Variants in ZC3H4 observed in about 807,000 individuals in gnomAD.
ZC3H4 encodes zinc finger CCCH-type containing 4.
In ZC3H4, 13 loss-of-function variants were observed where a neutral mutation model predicts 108.3. The observed-to-expected ratio is 0.12, with a 90% CI of 0.08 to 0.19. ZC3H4 has a LOEUF of 0.19. ZC3H4 is among the 10% of genes least tolerant of loss of function. The pLI is 1.00. For synonymous variants in ZC3H4, 917 were observed against 749.6 expected, an observed-to-expected ratio of 1.22 and a Z score of -3.65; for missense variants, 1,734 against 1,838.8, an observed-to-expected ratio of 0.94 and a Z score of 1.04.
Position 47,067,508 on chromosome 19 carries a change from C to A in ZC3H4, c.2760G>T (p.Pro920=). The A allele has an allele frequency of 6.3e-7, 1 of 1,585,512 alleles. No individual in the cohort carries two copies. The highest frequency in any genetic ancestry group is 8.6e-7 in the Non-Finnish European group (1 of 1,165,108). Residue 920 remains proline (P), a synonymous_variant, in exon 15 of 15, where the codon CCG becomes CCT. Transcript: ENST00000253048. This position sits in a 1 kb window ranked among gnomAD's most constrained non-coding sequence, Gnocchi z 6.4. ...CCCCTTCCTCCTCCTCCGTTGGGGG[C>A]GGCCCAGACCCCTTGGAACTGCTGG... ...VGPSSSKGSG[P]PPTEEEEGER... is the part of the protein sequence containing the mutation.
At chr19:47,084,967 G>C in intron 8 of ZC3H4, 89 bp downstream of exon 8, 3 of 1,543,802 alleles carry the variant, frequency 1.9e-6, no homozygotes, top group Non-Finnish European at 2.7e-6. Context: ...TGGCAGCAAG[G>C]ATCAGCTTCA....
chr19:47,078,281 C>T (rs1457801649), intron 11 of ZC3H4, among the ~76,000 whole-genome samples: 3 of 152,106 alleles, frequency 2.0e-5, no homozygotes, highest in Admixed American at 6.6e-5. Context: ...TGAAACCAGC[C>T]TGGCCAACAT....
intron 5 of ZC3H4, among the ~76,000 whole-genome samples, chr19:47,088,201 TGTGGTGGCACATGCCTGTAATCCCA>T (rs1396234720): frequency 6.6e-6 from 1 of 151,542 alleles, no homozygotes; most frequent in Non-Finnish European, 1.5e-5. Flanking sequence ...ATAAGCTGGG[TGTGGTGGCACATGCCTGTAATCCCA>T]GTTACTTGCG....
intron 4 of ZC3H4, among the ~76,000 whole-genome samples, chr19:47,090,525 CGGGGG>C (rs2057713538): frequency 6.6e-6 from 1 of 152,126 alleles, no homozygotes; most frequent in South Asian, 2.1e-4. Context: ...GGGAAGCAGG[CGGGGG>C]CTGCTTGGTC....
intron 2 of ZC3H4, among the ~76,000 whole-genome samples, chr19:47,098,862 T>C (rs1245133980): frequency 6.6e-6 from 1 of 152,194 alleles, no homozygotes; most frequent in Non-Finnish European, 1.5e-5. Context: ...GCCTACAGAT[T>C]CGGGCCTCAT....
At chr19:47,076,736 T>C (rs1287488917) in intron 11 of ZC3H4, among the ~76,000 whole-genome samples, 2 of 152,178 alleles carry the variant, frequency 1.3e-5, no homozygotes, top group African/African-American at 2.4e-5. Context: ...GGCTCACACC[T>C]GTAATCCCAG....
At chr19:47,101,988 C>A (rs1335799777) in intron 2 of ZC3H4, among the ~76,000 whole-genome samples, 1 of 152,074 alleles carries the variant, frequency 6.6e-6, no homozygotes, top group African/African-American at 2.4e-5. Flanking sequence ...AAGCTGAGAC[C>A]ATGCCATTGC....
chr19:47,080,117 C>CA lies in ZC3H4; in HGVS notation c.1440+1395dup, dbSNP rs201823170. On this transcript the variant is annotated intron_variant, in intron 11 of 14. Coordinates refer to ENST00000253048, the MANE Select transcript of ZC3H4 (RefSeq NM_015168.2). Reference sequence around the variant, plus strand: ...CTGATGCCTTGATCCTTTCCACTGTCAAAAAAAATAGCCAATCTCCTAGAA... The same window carrying CA: ...CTGATGCCTTGATCCTTTCCACTGTCAAAAAAAAATAGCCAATCTCCTAGAA... Among the ~76,000 whole-genome samples, 1,308 of 151,818 alleles carry CA rather than the reference C, an allele frequency of 8.6e-3. 15 individuals carry two copies. The highest frequency in any genetic ancestry group is 0.03 in the African/African-American group (1,261 of 41,424).
chr19:47,075,461 C>A (rs2057403427), intron 11 of ZC3H4, among the ~76,000 whole-genome samples: 1 of 152,034 alleles, frequency 6.6e-6, no homozygotes, highest in Non-Finnish European at 1.5e-5. Flanking sequence ...TCCTCCTCCT[C>A]CTCTTCAGTC....
Position 47,067,052 on chromosome 19 carries a change from C to A in ZC3H4, c.3216G>T (p.Arg1072=). 7.5e-6 allele frequency: 12 copies of A among 1,607,184 alleles called. No individual in the cohort carries two copies. Among genetic ancestry groups the A allele is most frequent in the Non-Finnish European group, 1.0e-5 (12 of 1,176,890 alleles). ...PGSSDKPSDP[R]VRKAPTDPRL... ...GAGGGTCGGTGGGGGCCTTCCGCAC[C>A]CGGGGGTCACTGGGTTTGTCGCTGG... Residue 1072 remains arginine (R), a synonymous_variant, in exon 15 of 15, where the codon CGG becomes CGT. Transcript: ENST00000253048. The surrounding 1 kb of genome is among the most constrained non-coding windows in gnomAD (Gnocchi z 6.4).
In ZC3H4 at chr19:47,066,444, C is replaced by A; in HGVS notation, c.3824G>T (p.Ser1275Ile). 6.3e-7 allele frequency: 1 copy of A among 1,578,690 alleles called. No individual in the cohort carries two copies. Among genetic ancestry groups the A allele is most frequent in the Non-Finnish European group, 8.6e-7 (1 of 1,163,558 alleles). ...TGSGSPFAGN[S>I]PAREGEQDAA... ...ATCCTGCTCACCCTCGCGGGCCGGA[C>A]TGTTCCCAGCAAATGGGCTTCCTGA... is the stretch of plus-strand genomic sequence containing the variant. Residue 1275 changes from serine (S) to isoleucine (I), a missense_variant, in exon 15 of 15, where the codon AGT becomes ATT. Ser to Ile is a moderately radical substitution (Grantham distance 142, BLOSUM62 -2). Around this residue, in one of 9 missense-constraint regions of ZC3H4, gnomAD observed 518 missense variants for 499.6 expected, o/e 1.04. Coordinates refer to ENST00000253048, the MANE Select transcript of ZC3H4 (RefSeq NM_015168.2).
rs200034595 is a variant in ZC3H4, at chr19:47,067,614, G to A, written c.2654C>T (p.Ser885Leu). Residue 885 changes from serine to leucine, a missense_variant, in exon 15 of 15, where the codon TCG becomes TTG. Transcript: ENST00000253048. This position sits in a 1 kb window ranked among gnomAD's most constrained non-coding sequence, Gnocchi z 6.4. ...AGCCAGCCGAGGATCGGAGGGTCCC[G>A]AATCACCTGGGCCAGACCCGCCAGA... ...EASGGSGPGDSGPSDPRLARA... is the reference protein window; with the variant it reads ...EASGGSGPGDLGPSDPRLARA... The A allele has an allele frequency of 3.6e-5, 57 of 1,605,130 alleles. No homozygotes were observed. The highest frequency in any genetic ancestry group is 2.7e-4 in the African/African-American group (20 of 75,000).
chr19:47,090,933 A>G (rs2057721113), intron 4 of ZC3H4, among the ~76,000 whole-genome samples: 1 of 152,164 alleles, frequency 6.6e-6, no homozygotes, highest in Non-Finnish European at 1.5e-5. Flanking sequence ...CTCTACTACT[A>G]CCTGCTCAAT....
chr19:47,084,582 G>A (rs2057582492), intron 8 of ZC3H4, 127 bp from the exon 9 acceptor site: 1 of 874,906 alleles, frequency 1.1e-6, no homozygotes, highest in Admixed American at 2.1e-5. Context: ...GCACCGATGG[G>A]CAGGCTGCAT....
At chr19:47,087,316 G>A (rs140092781) in intron 5 of ZC3H4, among the ~76,000 whole-genome samples, 1,681 of 150,864 alleles carry the variant, frequency 0.011, 32 homozygotes, top group African/African-American at 0.039. Context: ...ACCCAAATGA[G>A]AAAGAATATA....
intron 11 of ZC3H4, among the ~76,000 whole-genome samples, chr19:47,078,860 AAAAC>A (rs1403490012): frequency 6.6e-5 from 10 of 151,914 alleles, no homozygotes; most frequent in South Asian, 2.1e-4. Context: ...CTCCGTCTCA[AAAAC>A]AAACAAACAA....
intron 13 of ZC3H4, among the ~76,000 whole-genome samples, chr19:47,070,505 A>G (rs1394753422): frequency 1.3e-5 from 2 of 152,162 alleles, no homozygotes; most frequent in Non-Finnish European, 2.9e-5. Flanking sequence ...TACCAACGTG[A>G]CGGACTTCTG....
Position 47,070,134 on chromosome 19 carries a change from A to AG in ZC3H4, c.2147-792dup, listed in dbSNP as rs376272452. On this transcript the variant is annotated intron_variant, in intron 13 of 14. Coordinates refer to ENST00000253048, the MANE Select transcript of ZC3H4 (RefSeq NM_015168.2). ...GGGAGACATCGAATCACCGAAACGG[A>AG]GGGGGGGGCGTCTGGAGTCAGTGCT... 4.5e-3 allele frequency among the ~76,000 whole-genome samples: 678 copies of AG among 150,738 alleles called. 5 individuals carry two copies. The highest frequency in any genetic ancestry group is 0.014 in the African/African-American group (584 of 40,624).
chr19:47,079,033 ATT>A (rs1169182902), intron 11 of ZC3H4, among the ~76,000 whole-genome samples: 5 of 135,112 alleles, frequency 3.7e-5, no homozygotes, highest in Admixed American at 7.4e-5. Flanking sequence ...TTTCATTTCC[ATT>A]TTTTTTTTTT....
Sources: allele counts gnomAD v4.1 joint callset (sites outside exome capture counted in the v4.1 genomes callset), GRCh38; gene constraint gnomAD v4.1.1; regional missense constraint gnomAD v4.1.1; non-coding constraint Gnocchi (gnomAD v3.1); transcripts MANE v1.5; gene names NCBI Gene and HGNC (gene_info 2026-07-23, HGNC 2026-07-21).